ZDHHC21: variants seen among roughly 807,000 people sequenced by gnomAD.
ZDHHC21 encodes palmitoyltransferase ZDHHC21.
ZDHHC21 carries 15 observed loss-of-function variants against 34.6 expected under a neutral mutation model. The observed-to-expected ratio is 0.43, with a 90% CI of 0.29 to 0.67. The LOEUF (loss-of-function observed/expected upper bound fraction) is 0.67, where lower values mean the gene tolerates loss of function less well. ZDHHC21 is among the 30% of genes least tolerant of loss of function. The probability of loss-of-function intolerance (pLI) is 0.14; values close to 1 mark genes in which losing one functional copy is unlikely to be tolerated. For missense variants in ZDHHC21, 344 were observed against 327.7 expected, an observed-to-expected ratio of 1.05 and a Z score of -0.38; for synonymous variants, 142 against 101.8, an observed-to-expected ratio of 1.40 and a Z score of -2.38.
intron 1 of ZDHHC21, among the ~76,000 whole-genome samples, chr9:14,692,553 A>C (rs1249297771): frequency 6.6e-6 from 1 of 152,138 alleles, no homozygotes; most frequent in African/African-American, 2.4e-5. Flanking sequence ...CCTGACTCTC[A>C]AGGGATCTTA....
the ZDHHC21 span, among the ~76,000 whole-genome samples, chr9:14,591,593 A>C: frequency 6.6e-6 from 1 of 152,224 alleles, no homozygotes; most frequent in East Asian, 1.9e-4. Context: ...TCATGAAGTT[A>C]TATGAAATGT....
At chr9:14,627,850 T>C (rs900764089) in intron 8 of ZDHHC21, among the ~76,000 whole-genome samples, 13 of 152,160 alleles carry the variant, frequency 8.5e-5, no homozygotes, top group African/African-American at 3.1e-4. Flanking sequence ...GTTGGCTATG[T>C]GTGAACTACT....
At chr9:14,686,815 A>G (rs999069733) in intron 2 of ZDHHC21, among the ~76,000 whole-genome samples, 2 of 150,284 alleles carry the variant, frequency 1.3e-5, no homozygotes, top group Non-Finnish European at 2.9e-5. Context: ...TCCACTAAAA[A>G]TACAAAAATA....
intron 2 of ZDHHC21, among the ~76,000 whole-genome samples, chr9:14,681,298 C>T (rs971326011): frequency 2.6e-5 from 4 of 152,080 alleles, no homozygotes; most frequent in African/African-American, 9.7e-5. Context: ...TTCCCAGGTG[C>T]GATCCTAGCA....
chr9:14,691,144 A>G (rs1440334385), intron 1 of ZDHHC21, among the ~76,000 whole-genome samples: 5 of 152,206 alleles, frequency 3.3e-5, no homozygotes, highest in African/African-American at 1.2e-4. Context: ...ACAATTCCAG[A>G]AAAACAGCTC....
chr9:14,684,106 G>A (rs998448874), intron 2 of ZDHHC21, among the ~76,000 whole-genome samples: 9 of 152,062 alleles, frequency 5.9e-5, no homozygotes, highest in African/African-American at 9.6e-5. Flanking sequence ...TACTGAATGG[G>A]CAAAAACTGG....
rs1838607043 is a variant in ZDHHC21 at position 14,688,044 on chromosome 9, C to G, written c.-176+2293G>C. Among the ~76,000 whole-genome samples, 2 of 150,882 alleles carry G rather than the reference C, an allele frequency of 1.3e-5. 1 individual carries two copies. Among genetic ancestry groups the G allele is most frequent in the South Asian group, 4.1e-4 (2 of 4,824 alleles). On this transcript the variant is annotated intron_variant, in intron 2 of 9. Transcript: ENST00000380916. ...CAGTTAAATAATTCTCCATAAAAAT[C>G]AAGCTCTCATTGCCAATTAGGAATT...
chr9:14,687,968 A>C (rs992736512), intron 2 of ZDHHC21, among the ~76,000 whole-genome samples: 2 of 150,932 alleles, frequency 1.3e-5, no homozygotes, highest in Non-Finnish European at 2.9e-5. Context: ...CGTATTTATA[A>C]AACTTTTTGA....
At position 14,671,399 on chromosome 9, in the gene ZDHHC21, G is replaced by C. The variant is rs1239066808; in HGVS notation, c.253+1431C>G. Reference sequence around the variant, plus strand: ...TTACCTAAATCAATACAAAGTTTGGGTCCTAACAGAGATTCCCTAACAAGA... The same window carrying C: ...TTACCTAAATCAATACAAAGTTTGGCTCCTAACAGAGATTCCCTAACAAGA... On this transcript the variant is annotated intron_variant, in intron 5 of 9. Transcript: ENST00000380916. 5.3e-5 allele frequency among the ~76,000 whole-genome samples: 8 copies of C among 152,094 alleles called. No homozygotes were observed. The East Asian group carries it at 1.5e-3, about 29-fold the overall frequency.
At chr9:14,689,592 T>A (rs945462295) in intron 2 of ZDHHC21, among the ~76,000 whole-genome samples, 6 of 152,180 alleles carry the variant, frequency 3.9e-5, no homozygotes, top group Non-Finnish European at 5.9e-5. Context: ...GAAAAATAAA[T>A]GTACATGACT....
At chr9:14,661,651 G>C (rs577500354) in intron 6 of ZDHHC21, among the ~76,000 whole-genome samples, 12 of 152,248 alleles carry the variant, frequency 7.9e-5, no homozygotes, top group Non-Finnish European at 1.3e-4. Flanking sequence ...TATTACAAGA[G>C]AGCCCCCTAT....
At chr9:14,594,883 A>C in the ZDHHC21 span, among the ~76,000 whole-genome samples, 16 of 152,210 alleles carry the variant, frequency 1.1e-4, no homozygotes, top group Non-Finnish European at 1.6e-4. Context: ...ACAGTTTATC[A>C]GAGAAGATAT....
rs191822464 is a variant in ZDHHC21, at chr9:14,687,866, C to T, written c.-176+2471G>A. Among the ~76,000 whole-genome samples, 153 of 150,626 alleles carry T rather than the reference C, an allele frequency of 1.0e-3. 1 individual carries two copies. Among genetic ancestry groups the T allele is most frequent in the Non-Finnish European group, 1.6e-3 (106 of 67,990 alleles). On this transcript the variant is annotated intron_variant, in intron 2 of 9. Transcript: ENST00000380916. Reference sequence around the variant, plus strand: ...ACATACCAATTTTTTTTCCACAGTGCCAAGAGAAAATGCTTATTAGATGAA... The same window carrying T: ...ACATACCAATTTTTTTTCCACAGTGTCAAGAGAAAATGCTTATTAGATGAA...
At chr9:14,623,416 C>A in intron 8 of ZDHHC21, among the ~76,000 whole-genome samples, 1 of 151,760 alleles carries the variant, frequency 6.6e-6, no homozygotes, top group East Asian at 1.9e-4. Flanking sequence ...GTAGTCCTCG[C>A]TACTTGGGGG....
At chr9:14,623,137 T>C (rs1179309899) in intron 8 of ZDHHC21, among the ~76,000 whole-genome samples, 1 of 106,584 alleles carries the variant, frequency 9.4e-6, no homozygotes. Flanking sequence ...AGGTAAGACA[T>C]AAAAAAAAAA....
intron 6 of ZDHHC21, 40 bp downstream of exon 6, chr9:14,662,175 C>A (rs747513959): frequency 8.5e-6 from 12 of 1,411,402 alleles, no homozygotes; most frequent in Non-Finnish European, 5.8e-6. Flanking sequence ...CATTTTATTA[C>A]CCACCCCTCT....
chr9:14,621,537 C>G (rs575701907), intron 8 of ZDHHC21, among the ~76,000 whole-genome samples: 60 of 152,040 alleles, frequency 3.9e-4, no homozygotes, highest in Non-Finnish European at 7.7e-4. Context: ...TTCTTTCAAA[C>G]AATGTGATGC....
intron 7 of ZDHHC21, among the ~76,000 whole-genome samples, chr9:14,652,539 T>C (rs1831411225): frequency 6.6e-6 from 1 of 151,926 alleles, no homozygotes; most frequent in Non-Finnish European, 1.5e-5. Context: ...TAAAAAGCAT[T>C]AAGTTACTAT....
At chr9:14,640,577 C>G (rs914542543) in intron 7 of ZDHHC21, among the ~76,000 whole-genome samples, 1 of 152,040 alleles carries the variant, frequency 6.6e-6, no homozygotes, top group Non-Finnish European at 1.5e-5. Context: ...ATCCAGTCAC[C>G]CAACCACCAT....
Sources: gnomAD v4.1 joint callset for allele counts (sites outside exome capture counted in the v4.1 genomes callset) on GRCh38, gnomAD v4.1.1 for gene constraint, MANE v1.5 for transcripts, NCBI Gene and HGNC (gene_info 2026-07-23, HGNC 2026-07-21) for gene names.